ZMAT4: variants seen among roughly 807,000 people sequenced by gnomAD.
ZMAT4 encodes zinc finger matrin-type 4, also known as zinc finger matrin-type protein 4.
ZMAT4 carries 17 observed loss-of-function variants against 28.7 expected under a neutral mutation model. The ratio of observed to expected loss-of-function variants is 0.59; its 90% CI spans 0.41 to 0.89. The LOEUF (loss-of-function observed/expected upper bound fraction) is 0.89, where lower values mean the gene tolerates loss of function less well. Among genes scored for constraint, ZMAT4 ranks in the 40% least tolerant of loss-of-function variants. ZMAT4 has a pLI of 0.00. For missense variants in ZMAT4, 240 were observed against 283.8 expected (o/e 0.85, Z 1.11); for synonymous variants, 117 against 109.2 (o/e 1.07, Z -0.44).
intron 1 of ZMAT4, among the ~76,000 whole-genome samples, chr8:40,858,450 C>G (rs928977686): frequency 7.2e-5 from 11 of 152,284 alleles, no homozygotes; most frequent in African/African-American, 2.4e-4. Context: ...TGGTAATTTT[C>G]CTCTTCCTTC....
intron 4 of ZMAT4, among the ~76,000 whole-genome samples, chr8:40,694,396 G>A (rs1037559020): frequency 3.9e-5 from 6 of 152,100 alleles, no homozygotes; most frequent in Non-Finnish European, 8.8e-5. Context: ...TCTACGCGTG[G>A]TCTCCAGCCC....
rs538378643 is a variant in ZMAT4 at position 40,778,328 on chromosome 8, C to T, written c.103-10598G>A. On this transcript the variant is annotated intron_variant, in intron 2 of 6. Transcript: ENST00000297737. The stretch of plus-strand genomic sequence containing the variant: ...TTTATAACCTGAAAAAAGTGATCAG[C>T]GAATTCTATAAAGAACATTTCTCAG... 3.6e-4 allele frequency among the ~76,000 whole-genome samples: 55 copies of T among 152,270 alleles called. 2 individuals are homozygous for T. The South Asian group carries it at 8.9e-3, about 25-fold the overall frequency.
At chr8:40,784,288 C>T (rs1346328413) in intron 2 of ZMAT4, among the ~76,000 whole-genome samples, 1 of 152,096 alleles carries the variant, frequency 6.6e-6, no homozygotes, top group Admixed American at 6.6e-5. Flanking sequence ...CAATATTATT[C>T]ACCACATTAA....
chr8:40,777,166 A>G (rs1813633057), intron 2 of ZMAT4, among the ~76,000 whole-genome samples: 1 of 152,254 alleles, frequency 6.6e-6, no homozygotes. Flanking sequence ...TAACAGGGAT[A>G]GCAGCAATAC....
chr8:40,761,509 T>C (rs945904394), intron 3 of ZMAT4, among the ~76,000 whole-genome samples: 1 of 152,082 alleles, frequency 6.6e-6, no homozygotes, highest in African/African-American at 2.4e-5. Flanking sequence ...TGTTAAGCAC[T>C]CCAGCTTCCA....
intron 5 of ZMAT4, among the ~76,000 whole-genome samples, chr8:40,588,342 C>T (rs1346809280): frequency 1.3e-5 from 2 of 151,954 alleles, no homozygotes; most frequent in African/African-American, 2.4e-5. Context: ...AAAGATAAGA[C>T]AGTGCTGGGG....
intron 5 of ZMAT4, among the ~76,000 whole-genome samples, chr8:40,668,542 G>GA (rs1409752227): frequency 6.7e-6 from 1 of 149,392 alleles, no homozygotes; most frequent in African/African-American, 2.5e-5. Context: ...TTTTAATGCA[G>GA]AAAAAATTGC....
chr8:40,845,165 G>C (rs530855828), intron 1 of ZMAT4, among the ~76,000 whole-genome samples: 2 of 152,284 alleles, frequency 1.3e-5, no homozygotes, highest in Non-Finnish European at 2.9e-5. Flanking sequence ...TCACCTTTCA[G>C]TGAGCTCAGT....
intron 1 of ZMAT4, among the ~76,000 whole-genome samples, chr8:40,868,409 C>T (rs747867603): frequency 8.5e-5 from 13 of 152,106 alleles, no homozygotes; most frequent in Non-Finnish European, 1.5e-4. Context: ...GCTACAGAAC[C>T]ACAGGGGAGG....
chr8:40,897,300 A>C (rs989290891), intron 1 of ZMAT4, among the ~76,000 whole-genome samples: 3 of 152,158 alleles, frequency 2.0e-5, no homozygotes, highest in Non-Finnish European at 2.9e-5. Context: ...GAAAACACAA[A>C]CAACCAATCA....
chr8:40,555,971 C>T (rs1803520672), intron 6 of ZMAT4, among the ~76,000 whole-genome samples: 1 of 152,154 alleles, frequency 6.6e-6, no homozygotes, highest in South Asian at 2.1e-4. Context: ...TGGACTTTAT[C>T]TTACCATATT....
At position 40,886,194 on chromosome 8, in the gene ZMAT4, C is replaced by T. The variant is rs562614544; in HGVS notation, c.-5+11489G>A. 1.1e-3 allele frequency among the ~76,000 whole-genome samples: 169 copies of T among 152,330 alleles called. 1 individual carries two copies. The highest frequency in any genetic ancestry group is 2.0e-3 in the Admixed American group (30 of 15,304). On this transcript the variant is annotated intron_variant, in intron 1 of 6. Coordinates refer to ENST00000297737, the MANE Select transcript of ZMAT4 (RefSeq NM_024645.3). ...GCTCAGAGCTCACACAGCCCCAGAGCCAGGGTGTCCCTTGCTAAAGAGACT... is the reference window on the plus strand; with the variant it reads ...GCTCAGAGCTCACACAGCCCCAGAGTCAGGGTGTCCCTTGCTAAAGAGACT...
chr8:40,702,412 T>G (rs1049520198), intron 3 of ZMAT4, among the ~76,000 whole-genome samples: 1 of 152,282 alleles, frequency 6.6e-6, no homozygotes, highest in African/African-American at 2.4e-5. Flanking sequence ...AGGCAAAAAT[T>G]CAGTCAGACT....
At chr8:40,761,966 CT>C (rs1812959989) in intron 3 of ZMAT4, among the ~76,000 whole-genome samples, 3 of 152,196 alleles carry the variant, frequency 2.0e-5, no homozygotes, top group African/African-American at 7.2e-5. Flanking sequence ...CGTAGCAGAA[CT>C]GGGGATAGAA....
At chr8:40,826,454 G>T (rs1816047200) in intron 1 of ZMAT4, among the ~76,000 whole-genome samples, 1 of 151,998 alleles carries the variant, frequency 6.6e-6, no homozygotes, top group African/African-American at 2.4e-5. Context: ...AATTGCTTTT[G>T]CAATTTTCTT....
At chr8:40,894,795 T>C (rs1818815465) in intron 1 of ZMAT4, among the ~76,000 whole-genome samples, 1 of 151,998 alleles carries the variant, frequency 6.6e-6, no homozygotes, top group African/African-American at 2.4e-5. Context: ...AACAAGACAT[T>C]GTAAAAGCGT....
At chr8:40,862,864 A>C (rs984294695) in intron 1 of ZMAT4, among the ~76,000 whole-genome samples, 3 of 151,842 alleles carry the variant, frequency 2.0e-5, no homozygotes, top group African/African-American at 7.3e-5. Flanking sequence ...AGATATACCT[A>C]ATGTAAATGA....
intron 1 of ZMAT4, among the ~76,000 whole-genome samples, chr8:40,845,077 C>G (rs1816837060): frequency 6.6e-6 from 1 of 152,206 alleles, no homozygotes; most frequent in Admixed American, 6.5e-5. Context: ...TTCCCGTTAA[C>G]ATGACTGCAG....
At chr8:40,804,264 T>C (rs564566106) in intron 2 of ZMAT4, among the ~76,000 whole-genome samples, 2 of 152,230 alleles carry the variant, frequency 1.3e-5, no homozygotes, top group South Asian at 2.1e-4. Flanking sequence ...TCAATGTAGG[T>C]TCATTACTTT....
Sources: allele counts gnomAD v4.1 joint callset (sites outside exome capture counted in the v4.1 genomes callset), GRCh38; gene constraint gnomAD v4.1.1; transcripts MANE v1.5; gene names NCBI Gene and HGNC (gene_info 2026-07-23, HGNC 2026-07-21).